SOX5: variants seen among roughly 807,000 people sequenced by gnomAD.
SOX5 encodes the protein SRY-box transcription factor 5, also known as transcription factor SOX-5.
Under a neutral mutation model 92.0 loss-of-function variants are expected in SOX5, and 9 were observed. That is an observed-to-expected ratio of 0.10 (90% CI 0.06 to 0.17). The LOEUF (loss-of-function observed/expected upper bound fraction) is 0.17. Among genes scored for constraint, SOX5 ranks in the 10% least tolerant of loss-of-function variants. The pLI, the probability that SOX5 is intolerant of heterozygous loss-of-function variation, is 1.00. For synonymous variants in SOX5, 344 were observed against 336.3 expected, an observed-to-expected ratio of 1.02 and a Z score of -0.25; for missense variants, 642 against 944.5, an observed-to-expected ratio of 0.68 and a Z score of 4.20.
chr12:24,076,430 C>A (rs900349383), intron 4 of SOX5, among the ~76,000 whole-genome samples: 10 of 152,256 alleles, frequency 6.6e-5, no homozygotes, highest in Non-Finnish European at 1.2e-4. Context: ...CCACACAGTG[C>A]TTGGGGTAGA....
At chr12:24,413,799 T>C (rs1305504103) in intron 1 of SOX5, among the ~76,000 whole-genome samples, 4 of 152,198 alleles carry the variant, frequency 2.6e-5, no homozygotes, top group African/African-American at 9.7e-5. Context: ...TTGTTTTTCA[T>C]CGTGCGTCAG....
At chr12:24,326,726 T>C (rs1299457392) in intron 2 of SOX5, among the ~76,000 whole-genome samples, 7 of 151,638 alleles carry the variant, frequency 4.6e-5, no homozygotes, top group Non-Finnish European at 1.0e-4. Context: ...AAGCCTTTCC[T>C]AGCTACTCTA....
chr12:23,629,508 T>C (rs2078261388), intron 8 of SOX5, among the ~76,000 whole-genome samples: 1 of 152,026 alleles, frequency 6.6e-6, no homozygotes, highest in Admixed American at 6.6e-5. Context: ...AGAAGAATGG[T>C]TTTTAAGTTT....
chr12:23,846,709 A>G (rs887499500), intron 2 of SOX5, among the ~76,000 whole-genome samples: 1 of 152,150 alleles, frequency 6.6e-6, no homozygotes, highest in Non-Finnish European at 1.5e-5. Context: ...ATACTCTAAT[A>G]AAGTTTTAGT....
intron 7 of SOX5, among the ~76,000 whole-genome samples, chr12:23,641,350 C>T (rs981651348): frequency 1.3e-5 from 2 of 152,112 alleles, no homozygotes; most frequent in East Asian, 1.9e-4. Context: ...TGCTATGTTA[C>T]GGTCTTGATT....
At chr12:24,474,368 T>C (rs7301819) in intron 1 of SOX5, among the ~76,000 whole-genome samples, 48,282 of 152,058 alleles carry the variant, frequency 0.32, 7,795 homozygotes, top group Middle Eastern at 0.38. Flanking sequence ...TGTCTGTATT[T>C]GGTGCCTTCA....
intron 1 of SOX5, among the ~76,000 whole-genome samples, chr12:23,911,434 C>T (rs984035866): frequency 6.6e-6 from 1 of 152,064 alleles, no homozygotes; most frequent in African/African-American, 2.4e-5. Flanking sequence ...TATACTACAG[C>T]ATGTCTTCAT....
At chr12:24,376,359 C>G (rs1244475680) in intron 1 of SOX5, among the ~76,000 whole-genome samples, 1 of 152,144 alleles carries the variant, frequency 6.6e-6, no homozygotes, top group Non-Finnish European at 1.5e-5. Flanking sequence ...CAGGGTATTA[C>G]GTTAATCACA....
chr12:23,658,626 C>T (rs893749057), intron 7 of SOX5, among the ~76,000 whole-genome samples: 5 of 152,160 alleles, frequency 3.3e-5, no homozygotes, highest in Non-Finnish European at 7.3e-5. Flanking sequence ...GGCATGGTGG[C>T]TCATGCCTTA....
At chr12:23,578,395 G>T (rs1440378832) in intron 9 of SOX5, among the ~76,000 whole-genome samples, 1 of 151,348 alleles carries the variant, frequency 6.6e-6, no homozygotes, top group Non-Finnish European at 1.5e-5. Context: ...AGCAACCTGT[G>T]TTTAACAAGC....
chr12:23,600,510 G>A (rs1233272014), intron 9 of SOX5, among the ~76,000 whole-genome samples: 1 of 61,720 alleles, frequency 1.6e-5, no homozygotes, highest in Non-Finnish European at 3.1e-5. Context: ...ATAGACCATG[G>A]CGGGGGGGGT....
At chr12:24,077,772 CATATATATAT>C (rs35914700) in intron 4 of SOX5, among the ~76,000 whole-genome samples, 1,589 of 116,924 alleles carry the variant, frequency 0.014, 28 homozygotes, top group African/African-American at 0.033. Flanking sequence ...AAGGTATTTT[CATATATATAT>C]ATATATATAT....
chr12:23,545,643 C>T lies in SOX5; in HGVS notation c.1597+673G>A, dbSNP rs370227122. Among the ~76,000 whole-genome samples, 7 of 152,116 alleles carry T rather than the reference C, an allele frequency of 4.6e-5. No individual in the cohort carries two copies. The South Asian group carries it at 1.5e-3, about 32-fold the overall frequency. ...ATGTAAGAAACTATCGTGGAAATGT[C>T]CTCTGAGCCATGTATTCTGGTGAGG... On this transcript the variant is annotated intron_variant, in intron 12 of 14. Coordinates refer to ENST00000451604, the MANE Select transcript of SOX5 (RefSeq NM_006940.6).
At chr12:23,558,539 T>C (rs1945630221) in intron 11 of SOX5, among the ~76,000 whole-genome samples, 1 of 152,206 alleles carries the variant, frequency 6.6e-6, no homozygotes, top group South Asian at 2.1e-4. Flanking sequence ...TGATATCAAG[T>C]TGATGAACTC....
chr12:24,112,353 A>G (rs1947456450), intron 4 of SOX5, among the ~76,000 whole-genome samples: 1 of 152,108 alleles, frequency 6.6e-6, no homozygotes, highest in Non-Finnish European at 1.5e-5. Flanking sequence ...CATGCTGTAA[A>G]TGCCAAAGTT....
intron 8 of SOX5, among the ~76,000 whole-genome samples, chr12:23,604,954 T>C (rs2075050033): frequency 6.6e-6 from 1 of 152,158 alleles, no homozygotes; most frequent in African/African-American, 2.4e-5. Flanking sequence ...CTTTCTTTGA[T>C]TTCTTGAAAT....
At chr12:24,184,445 G>A (rs1300501198) in intron 4 of SOX5, among the ~76,000 whole-genome samples, 1 of 152,034 alleles carries the variant, frequency 6.6e-6, no homozygotes, top group Non-Finnish European at 1.5e-5. Flanking sequence ...ATAAGCACAG[G>A]ATAAAAGAGA....
chr12:24,228,234 T>TCATACA (rs1264810803), intron 3 of SOX5, among the ~76,000 whole-genome samples: 2 of 152,160 alleles, frequency 1.3e-5, no homozygotes, highest in Non-Finnish European at 2.9e-5. Context: ...AGCATTTTCC[T>TCATACA]CATACAGACA....
At chr12:24,231,463 GA>G (rs1405238269) in intron 3 of SOX5, among the ~76,000 whole-genome samples, 1 of 152,170 alleles carries the variant, frequency 6.6e-6, no homozygotes, top group Non-Finnish European at 1.5e-5. Context: ...TCAACCAACT[GA>G]AAATGCTATA....
Sources: allele counts gnomAD v4.1 joint callset (sites outside exome capture counted in the v4.1 genomes callset), GRCh38; gene constraint gnomAD v4.1.1; transcripts MANE v1.5; gene names NCBI Gene and HGNC (gene_info 2026-07-23, HGNC 2026-07-21).